SPTA1: variants seen among roughly 807,000 people sequenced by gnomAD.
SPTA1 encodes the protein spectrin alpha, erythrocytic 1, also known as spectrin alpha chain, erythrocytic 1.
A neutral mutation model predicts 324.7 loss-of-function variants in SPTA1; 177 were observed. The ratio of observed to expected loss-of-function variants is 0.55; its 90% CI spans 0.48 to 0.62. SPTA1 has a LOEUF of 0.62. Ranked by LOEUF, SPTA1 falls within the 20% of genes least tolerant of loss-of-function variation. The pLI, the probability that SPTA1 is intolerant of heterozygous loss-of-function variation, is 0.00. For synonymous variants in SPTA1, 1,195 were observed against 1,041.3 expected (o/e 1.15, Z -2.84); for missense variants, 3,162 against 2,883.6 (o/e 1.10, Z -2.21).
At chr1:158,630,609 C>T (rs1427140933) in intron 39 of SPTA1, among the ~76,000 whole-genome samples, 2 of 151,738 alleles carry the variant, frequency 1.3e-5, no homozygotes, top group Admixed American at 6.6e-5. Flanking sequence ...ACACTAAAAG[C>T]ACAGGCAACA....
At chr1:158,681,693 T>C (rs747106820) in intron 3 of SPTA1, 26 bp from the exon 4 acceptor site, 4 of 1,613,248 alleles carry the variant, frequency 2.5e-6, no homozygotes, top group Non-Finnish European at 3.4e-6. Context: ...GCAAAACCAC[T>C]CAGCCACAGA....
At position 158,644,383 on chromosome 1, in the gene SPTA1, T is replaced by C. The variant is rs1195217877; in HGVS notation, c.4208A>G (p.Asn1403Ser). The change falls in exon 30 of 52, where the codon AAC becomes AGC. Residue 1403 changes from asparagine to serine, a missense_variant. Transcript: ENST00000643759. Reference sequence around the variant, plus strand: ...CATCCAGCTCTCAACTTGATCACAGTTCCCCTGGAACATCTATGAGGAATC... The same window carrying C: ...CATCCAGCTCTCAACTTGATCACAGCTCCCCTGGAACATCTATGAGGAATC... ...QCLELQMFQG[N>S]CDQVESWMVA... 6.2e-7 allele frequency: 1 copy of C among 1,613,716 alleles called. No individual in the cohort carries two copies. Among genetic ancestry groups the C allele is most frequent in the Non-Finnish European group, 8.5e-7 (1 of 1,179,792 alleles).
chr1:158,678,290 T>C (rs1027450618), intron 6 of SPTA1, 111 bp downstream of exon 6: 9 of 1,449,662 alleles, frequency 6.2e-6, no homozygotes, highest in South Asian at 4.6e-5. Context: ...TCCACTTTTG[T>C]TTGAAGTGTT....
At chr1:158,674,979 G>A (rs1334509237) in intron 8 of SPTA1, among the ~76,000 whole-genome samples, 1 of 152,060 alleles carries the variant, frequency 6.6e-6, no homozygotes, top group Non-Finnish European at 1.5e-5. Flanking sequence ...ATGGAGTAAG[G>A]TGCTCATAAT....
chr1:158,640,726 A>T (rs149971936), intron 33 of SPTA1, among the ~76,000 whole-genome samples: 1 of 152,182 alleles, frequency 6.6e-6, no homozygotes, highest in East Asian at 1.9e-4. Flanking sequence ...ATCAATGGCC[A>T]TACTGCCCAA....
chr1:158,652,787 G>A, intron 22 of SPTA1, 134 bp from the exon 23 acceptor site: 1 of 1,024,820 alleles, frequency 9.8e-7, no homozygotes, highest in Non-Finnish European at 1.4e-6. Context: ...AATAGTAGAA[G>A]AGAGGAGGAA....
rs369697953 is a variant in SPTA1, at chr1:158,647,740, C to T, written c.3715-20G>A. The T allele has an allele frequency of 4.3e-6, 7 of 1,613,580 alleles. No homozygotes were observed. The highest frequency in any genetic ancestry group is 5.9e-6 in the Non-Finnish European group (7 of 1,179,776). On this transcript the variant is annotated intron_variant, in intron 26 of 51. Transcript: ENST00000643759. ...GGTCACCTGGGGAGGTACAATAGCT[C>T]TGATAATCAGCCTAGAGACACACCT...
chr1:158,664,569 T>A (rs1180554035), intron 16 of SPTA1, among the ~76,000 whole-genome samples: 1 of 152,144 alleles, frequency 6.6e-6, no homozygotes, highest in Non-Finnish European at 1.5e-5. Context: ...AAAATCTAGA[T>A]GACAGGTTGA....
In SPTA1 at chr1:158,663,355, A is replaced by C. The variant is rs112294805; in HGVS notation, c.2221-410T>G. Among the ~76,000 whole-genome samples, 956 of 152,250 alleles carry C rather than the reference A, an allele frequency of 6.3e-3. 11 individuals carry two copies. Among genetic ancestry groups the C allele is most frequent in the African/African-American group, 0.022 (911 of 41,544 alleles). On this transcript the variant is annotated intron_variant, in intron 16 of 51. Transcript: ENST00000643759. ...TGAGCTATAACTGCAAATAAATGGA[A>C]ACTTCTCAGGCTTAAGTTTGTTGCA...
chr1:158,621,925 C>G, intron 43 of SPTA1, among the ~76,000 whole-genome samples: 1 of 152,128 alleles, frequency 6.6e-6, no homozygotes, highest in East Asian at 1.9e-4. Context: ...GTACAGTGGC[C>G]GCGATCTGGG....
Position 158,669,674 on chromosome 1 carries a change from GTAGGCACACAGAAGC to G in SPTA1, c.1677+20_1677+34del. On this transcript the variant is annotated intron_variant, in intron 13 of 51. Coordinates refer to ENST00000643759, the MANE Select transcript of SPTA1 (RefSeq NM_003126.4). The stretch of plus-strand genomic sequence containing the variant: ...CCAAAACTCTTCTTGATTCTAGTGT[GTAGGCACACAGAAGC>G]TCTAGGCCCTTGGACATACCCCGTC... The G allele has an allele frequency of 6.2e-7, 1 of 1,613,940 alleles. No homozygotes were observed. The highest frequency in any genetic ancestry group is 8.5e-7 in the Non-Finnish European group (1 of 1,179,798).
chr1:158,677,179 T>C (rs1017191468), intron 7 of SPTA1, among the ~76,000 whole-genome samples: 4 of 152,190 alleles, frequency 2.6e-5, no homozygotes, highest in Admixed American at 6.5e-5. Context: ...TTCTAAGTTC[T>C]AGTGTGCCTG....
intron 18 of SPTA1, among the ~76,000 whole-genome samples, chr1:158,660,584 A>G (rs975334608): frequency 1.2e-4 from 18 of 152,220 alleles, no homozygotes; most frequent in Admixed American, 2.6e-4. Context: ...TTGAAGATTT[A>G]AAAAACAGGC....
intron 20 of SPTA1, 36 bp downstream of exon 20, chr1:158,656,528 G>A: frequency 6.4e-7 from 1 of 1,554,046 alleles, no homozygotes; most frequent in South Asian, 1.1e-5. Flanking sequence ...TTTGTGGTGG[G>A]AAGTGTGAAT....
At chr1:158,620,772 A>T in intron 43 of SPTA1, 1 of 242,132 alleles carries the variant, frequency 4.1e-6, no homozygotes, top group Non-Finnish European at 7.9e-6. Context: ...TAGCAAAGGT[A>T]GTTTTCAATT....
At chr1:158,632,414 T>G (rs894409160) in intron 39 of SPTA1, among the ~76,000 whole-genome samples, 1 of 152,174 alleles carries the variant, frequency 6.6e-6, no homozygotes, top group Admixed American at 6.5e-5. Context: ...CACGTATAAA[T>G]GTATTAAGAG....
chr1:158,676,100 T>C, intron 8 of SPTA1, 41 bp downstream of exon 8: 1 of 1,611,504 alleles, frequency 6.2e-7, no homozygotes, highest in South Asian at 1.1e-5. Context: ...ATCTGGGCCC[T>C]GTAGAGATAG....
At chr1:158,654,815 G>A (rs1652711052) in intron 20 of SPTA1, 67 bp from the exon 21 acceptor site, 15 of 1,603,484 alleles carry the variant, frequency 9.4e-6, no homozygotes, top group Admixed American at 1.7e-5. Flanking sequence ...GCTTACCAGG[G>A]GTGAGTAGTC....
rs3737521 is a variant in SPTA1 at position 158,683,435 on chromosome 1, G to A, written c.326C>T (p.Ser109Phe). 1.3e-4 allele frequency: 217 copies of A among 1,613,392 alleles called. 1 individual carries two copies. The East Asian group carries it at 4.7e-3, about 35-fold the overall frequency. ...TTCTTCCCTTGTTTTTTCCAGTTCA[G>A]ACATGAGTCTTGATTTTGTTTGCAC... ...AEVQTKSRLM[S>F]ELEKTREERF... is the part of the protein sequence containing the mutation. The change falls in exon 3 of 52, where the codon TCT becomes TTT. Residue 109 changes from serine to phenylalanine, a missense_variant. By Grantham distance (155) the Ser-to-Phe change is radical (BLOSUM62 -2). Transcript: ENST00000643759.
Sources: gnomAD v4.1 joint callset for allele counts (sites outside exome capture counted in the v4.1 genomes callset) on GRCh38, gnomAD v4.1.1 for gene constraint, MANE v1.5 for transcripts, NCBI Gene and HGNC (gene_info 2026-07-23, HGNC 2026-07-21) for gene names.